GFRA1: variants seen among roughly 807,000 people sequenced by gnomAD.
GFRA1 encodes GDNF family receptor alpha 1.
Under a neutral mutation model 51.6 loss-of-function variants are expected in GFRA1, and 16 were observed. The observed-to-expected ratio is 0.31, with a 90% confidence interval of 0.21 to 0.47. GFRA1 has a LOEUF of 0.47. GFRA1 is among the 20% of genes least tolerant of loss of function. The probability of loss-of-function intolerance (pLI) is 1.00; values close to 1 mark genes in which losing one functional copy is unlikely to be tolerated. For missense variants in GFRA1, 530 were observed against 594.3 expected (o/e 0.89, Z 1.13); for synonymous variants, 270 against 241.3 (o/e 1.12, Z -1.10).
chr10:116,117,555 GTGT>G (rs760451402), intron 6 of GFRA1, among the ~76,000 whole-genome samples: 3,913 of 126,874 alleles, frequency 0.031, 192 homozygotes, highest in African/African-American at 0.062. Flanking sequence ...GTGGGTGGGT[GTGT>G]GGATGGATGG....
At chr10:116,106,981 A>G (rs1957031420) in intron 6 of GFRA1, among the ~76,000 whole-genome samples, 1 of 152,296 alleles carries the variant, frequency 6.6e-6, no homozygotes, top group African/African-American at 2.4e-5. Flanking sequence ...GCCTACTGCC[A>G]TGATTATAAG....
intron 4 of GFRA1, among the ~76,000 whole-genome samples, chr10:116,236,156 G>A (rs529385872): frequency 6.6e-6 from 1 of 152,076 alleles, no homozygotes; most frequent in Non-Finnish European, 1.5e-5. Flanking sequence ...AACTGGCCCT[G>A]AACATGGACA....
chr10:116,200,849 A>T (rs1964274340), intron 5 of GFRA1, among the ~76,000 whole-genome samples: 1 of 152,158 alleles, frequency 6.6e-6, no homozygotes, highest in Admixed American at 6.5e-5. Flanking sequence ...GGAAACAAAA[A>T]CATTTAAGTT....
chr10:116,109,840 T>G (rs1252007389), intron 6 of GFRA1, among the ~76,000 whole-genome samples: 1 of 152,152 alleles, frequency 6.6e-6, no homozygotes, highest in Non-Finnish European at 1.5e-5. Flanking sequence ...AGTGCCAATG[T>G]CAGGCCAAAT....
intron 9 of GFRA1, among the ~76,000 whole-genome samples, chr10:116,084,976 A>G (rs1201385658): frequency 6.6e-6 from 1 of 152,224 alleles, no homozygotes; most frequent in Non-Finnish European, 1.5e-5. Flanking sequence ...AGCCTGTGCC[A>G]TGCTTGTCAC....
At chr10:116,176,183 C>G (rs1961572942) in intron 5 of GFRA1, among the ~76,000 whole-genome samples, 1 of 152,144 alleles carries the variant, frequency 6.6e-6, no homozygotes, top group Admixed American at 6.5e-5. Flanking sequence ...TTACTAAGAG[C>G]CTACTACGTG....
At chr10:116,264,429 G>A (rs923964179) in intron 4 of GFRA1, among the ~76,000 whole-genome samples, 29 of 152,104 alleles carry the variant, frequency 1.9e-4, no homozygotes, top group Admixed American at 1.6e-3. Context: ...GATGCTTGGT[G>A]CTGAGTTGAC....
At chr10:116,129,628 A>T (rs921003989) in intron 5 of GFRA1, among the ~76,000 whole-genome samples, 1 of 152,110 alleles carries the variant, frequency 6.6e-6, no homozygotes, top group African/African-American at 2.4e-5. Context: ...CTTATAGTCA[A>T]TGTTGTATTG....
At chr10:116,064,688 CACTGACTTGTAGTTTT>C in intron 10 of GFRA1, 144 bp from the exon 11 acceptor site, 1 of 743,724 alleles carries the variant, frequency 1.3e-6, no homozygotes, top group Admixed American at 2.0e-5. Context: ...GACTTACATT[CACTGACTTGTAGTTTT>C]ATGGGAAGAA....
chr10:116,096,729 G>A lies in GFRA1; in HGVS notation c.806C>T (p.Pro269Leu). ...RLADFFTNCQ[P>L]ESRSVSSCLK... ...ACAGCTGCTGACAGACCTTGACTCT[G>A]GCTGGCAGTTGGTAAAAAAATCCGC... The change falls in exon 7 of 11, where the codon CCA becomes CTA. Residue 269 changes from proline (P) to leucine (L), a missense_variant. Coordinates refer to ENST00000355422, the MANE Select transcript of GFRA1 (RefSeq NM_005264.8). The A allele has an allele frequency of 6.2e-7, 1 of 1,612,554 alleles. No individual in the cohort carries two copies. The highest frequency in any genetic ancestry group is 8.5e-7 in the Non-Finnish European group (1 of 1,178,886).
intron 5 of GFRA1, among the ~76,000 whole-genome samples, chr10:116,149,745 G>A (rs1245379245): frequency 6.6e-6 from 1 of 152,090 alleles, no homozygotes; most frequent in East Asian, 1.9e-4. Context: ...GTACATTTTA[G>A]TTATATAAAA....
rs1386175164 is a variant in GFRA1, at chr10:116,196,730, TATA to T, written c.433+14898_433+14900del. Among the ~76,000 whole-genome samples, 13 of 106,060 alleles carry T rather than the reference TATA, an allele frequency of 1.2e-4. 1 individual carries two copies. The highest frequency in any genetic ancestry group is 4.4e-4 in the African/African-American group (12 of 27,288). 69.6% of individuals were successfully genotyped at this position (106,060 alleles called of 152,430 possible). ...ATTATATATAGTACTATATATAATA[TATA>T]ATACTATATATAATATATATTATAT... On this transcript the variant is annotated intron_variant, in intron 5 of 10. Transcript: ENST00000355422.
Position 116,270,937 on chromosome 10 carries a change from G to A in GFRA1, c.219C>T (p.Arg73=). The part of the protein sequence containing the change: ...ASGLEAKDEC[R]SAMEALKQKS... Reference sequence around the variant, plus strand: ...TCTGCTTCAGGGCCTCCATGGCGCTGCGGCACTCATCCTTGGCCTCCAGGC... The same window carrying A: ...TCTGCTTCAGGGCCTCCATGGCGCTACGGCACTCATCCTTGGCCTCCAGGC... Residue 73 remains arginine, a synonymous_variant, in exon 3 of 11, where the codon CGC becomes CGT. Coordinates refer to ENST00000355422, the MANE Select transcript of GFRA1 (RefSeq NM_005264.8). 3 of 1,614,182 alleles carry A rather than the reference G, an allele frequency of 1.9e-6. No individual in the cohort carries two copies. The highest frequency in any genetic ancestry group is 2.5e-6 in the Non-Finnish European group (3 of 1,180,046).
chr10:116,207,803 G>A (rs142290231), intron 5 of GFRA1, among the ~76,000 whole-genome samples: 294 of 152,182 alleles, frequency 1.9e-3, no homozygotes, highest in African/African-American at 6.8e-3. Flanking sequence ...CAGGCAAAGC[G>A]AGCAGAAAGT....
chr10:116,146,918 T>C (rs981180694), intron 5 of GFRA1, among the ~76,000 whole-genome samples: 13 of 152,182 alleles, frequency 8.5e-5, no homozygotes, highest in African/African-American at 2.9e-4. Flanking sequence ...CTCCTAGGGC[T>C]TGTGGAAGGG....
intron 4 of GFRA1, among the ~76,000 whole-genome samples, chr10:116,240,974 C>T (rs1318096441): frequency 6.6e-6 from 1 of 152,276 alleles, no homozygotes. Flanking sequence ...CTAAGACTTG[C>T]AGAGTTGACA....
At chr10:116,271,185 G>A (rs2134836630) in intron 2 of GFRA1, 70 bp from the exon 3 acceptor site, 2 of 1,393,822 alleles carry the variant, frequency 1.4e-6, no homozygotes, top group East Asian at 2.3e-5. Context: ...TCCGGGCGAG[G>A]GCGCGCGCCC....
upstream of GFRA1, among the ~76,000 whole-genome samples, chr10:116,273,710 A>G (rs1844119532): frequency 6.6e-6 from 1 of 151,410 alleles, no homozygotes; most frequent in Non-Finnish European, 1.5e-5. Flanking sequence ...ACACACACAG[A>G]CACACACACA....
intron 5 of GFRA1, among the ~76,000 whole-genome samples, chr10:116,165,665 T>TCACACACACACACACACACA (rs56684075): frequency 0.011 from 1,596 of 149,504 alleles, 34 homozygotes; most frequent in African/African-American, 0.038. Context: ...TCTCTCACTC[T>TCACACACACACACACACACA]CACACACACA....
Sources: allele counts gnomAD v4.1 joint callset (sites outside exome capture counted in the v4.1 genomes callset), GRCh38; gene constraint gnomAD v4.1.1; transcripts MANE v1.5; gene names NCBI Gene and HGNC (gene_info 2026-07-23, HGNC 2026-07-21).